The following CSGALNACT1 variants were observed in gnomAD, a reference collection of about 807,000 sequenced individuals.
The protein encoded by CSGALNACT1 is chondroitin sulfate N-acetylgalactosaminyltransferase 1.
Under a neutral mutation model 51.0 loss-of-function variants are expected in CSGALNACT1, and 52 were observed. The observed-to-expected ratio is 1.02, with a 90% CI of 0.82 to 1.29. CSGALNACT1 has a LOEUF of 1.29. Ranked by LOEUF, CSGALNACT1 falls within the 50% of genes most tolerant of loss-of-function variation. The pLI is 0.00. For synonymous variants in CSGALNACT1, 341 were observed against 254.4 expected (o/e 1.34, Z -3.24); for missense variants, 935 against 679.2 (o/e 1.38, Z -4.19).
At chr8:19,407,911 G>GCGCA (rs2054643128) in intron 9 of CSGALNACT1, among the ~76,000 whole-genome samples, 47 of 58,398 alleles carry the variant, frequency 8.0e-4, no homozygotes, top group East Asian at 1.6e-3. Flanking sequence ...TGAATTGTGT[G>GCGCA]TGTGTGTGTG....
chr8:19,617,409 A>G (rs1485763504), intron 1 of CSGALNACT1, among the ~76,000 whole-genome samples: 1 of 152,192 alleles, frequency 6.6e-6, no homozygotes, highest in Non-Finnish European at 1.5e-5. Context: ...ACCTAGTCTC[A>G]GGTATTCCTT....
intron 3 of CSGALNACT1, among the ~76,000 whole-genome samples, chr8:19,513,823 A>T (rs958665612): frequency 6.6e-6 from 1 of 152,170 alleles, no homozygotes; most frequent in African/African-American, 2.4e-5. Flanking sequence ...ACATCTAGAC[A>T]AAGAAAGGGT....
At chr8:19,508,667 A>G (rs2077833685) in intron 3 of CSGALNACT1, among the ~76,000 whole-genome samples, 1 of 152,212 alleles carries the variant, frequency 6.6e-6, no homozygotes, top group South Asian at 2.1e-4. Context: ...CCTACTTTAA[A>G]AAGATTGTCG....
intron 4 of CSGALNACT1, among the ~76,000 whole-genome samples, chr8:19,504,301 C>G (rs530103211): frequency 9.2e-5 from 14 of 152,288 alleles, no homozygotes; most frequent in East Asian, 7.7e-4. Flanking sequence ...TGGTCTCGAT[C>G]TCCCGACCTC....
At chr8:19,486,836 T>C (rs1162597316) in intron 4 of CSGALNACT1, among the ~76,000 whole-genome samples, 4 of 152,206 alleles carry the variant, frequency 2.6e-5, no homozygotes, top group African/African-American at 9.6e-5. Flanking sequence ...CCCTGCAACG[T>C]AGATTTTGTC....
At position 19,599,437 on chromosome 8, in the gene CSGALNACT1, G is replaced by C. The variant is rs181678515; in HGVS notation, c.-416+2334C>G. 5.7e-3 allele frequency among the ~76,000 whole-genome samples: 626 copies of C among 109,036 alleles called. 2 individuals carry two copies. Among genetic ancestry groups the C allele is most frequent in the Non-Finnish European group, 9.3e-3 (487 of 52,592 alleles). 71.5% of individuals were successfully genotyped at this position (109,036 alleles called of 152,430 possible). On this transcript the variant is annotated intron_variant, in intron 2 of 9. Coordinates refer to ENST00000454498, the Ensembl canonical transcript of CSGALNACT1. ...GAAAGGAAGGAAGGAAGGAAAGGAA[G>C]AAAGAAAAAGAAAAAGAAAAGAAAG...
chr8:19,576,709 G>C (rs2044306960), intron 3 of CSGALNACT1, among the ~76,000 whole-genome samples: 1 of 151,908 alleles, frequency 6.6e-6, no homozygotes, highest in Non-Finnish European at 1.5e-5. Flanking sequence ...GCTGTGATAT[G>C]ACAGCCTTTC....
chr8:19,630,037 G>T (rs2055001756), intron 1 of CSGALNACT1, among the ~76,000 whole-genome samples: 1 of 152,128 alleles, frequency 6.6e-6, no homozygotes. Context: ...GTAGCCCCAT[G>T]GATGCTATGG....
intron 1 of CSGALNACT1, chr8:19,688,743 C>T (rs55842263): frequency 0.13 from 20,326 of 152,196 alleles, 1,600 homozygotes; most frequent in East Asian, 0.35. Context: ...CTGAGAGCAT[C>T]GTCTACACCT....
chr8:19,505,941 C>A, exon 4 of CSGALNACT1: 2 of 1,347,170 alleles, frequency 1.5e-6, no homozygotes, highest in South Asian at 2.4e-5. Context: ...TTGGGGCCCC[C>A]GGAGCTGCTT....
chr8:19,471,588 C>T (rs958946008), intron 4 of CSGALNACT1, among the ~76,000 whole-genome samples: 3 of 152,058 alleles, frequency 2.0e-5, no homozygotes, highest in Non-Finnish European at 4.4e-5. Context: ...TTGCTGTGGA[C>T]CTGTAGGGGT....
At chr8:19,424,484 G>T (rs1264512429) in intron 6 of CSGALNACT1, among the ~76,000 whole-genome samples, 1 of 151,978 alleles carries the variant, frequency 6.6e-6, no homozygotes, top group Non-Finnish European at 1.5e-5. Context: ...AAAGAGGACT[G>T]AACTGGAAAA....
chr8:19,513,436 C>CTCTATATATATATA lies in CSGALNACT1; in HGVS notation c.-296-7307_-296-7306insTATATATATATAGA. Among the ~76,000 whole-genome samples the CTCTATATATATATA allele has an allele frequency of 5.6e-3, 455 of 81,844 alleles. 7 individuals are homozygous for CTCTATATATATATA. The highest frequency in any genetic ancestry group is 0.011 in the East Asian group (14 of 1,268). The allele number at this position is 81,844 out of a possible 152,430, so 53.7% of individuals were successfully genotyped here. ...TCTCACTCTCTCTCTCTCTCTCTCTCTATATATATATATATATATATATAT... is the reference window on the plus strand; with the variant it reads ...TCTCACTCTCTCTCTCTCTCTCTCTCTCTATATATATATATATATATATATATATATATATATAT... On this transcript the variant is annotated intron_variant, in intron 3 of 9. Coordinates refer to ENST00000454498, the Ensembl canonical transcript of CSGALNACT1.
chr8:19,405,425 T>C, exon 10 of CSGALNACT1: 1 of 475,576 alleles, frequency 2.1e-6, no homozygotes, highest in Non-Finnish European at 4.1e-6. Flanking sequence ...TGCTAATGAA[T>C]TTTTTACAAA....
At chr8:19,566,918 C>G (rs2042014543) in intron 3 of CSGALNACT1, among the ~76,000 whole-genome samples, 1 of 152,210 alleles carries the variant, frequency 6.6e-6, no homozygotes, top group South Asian at 2.1e-4. Context: ...GGGTGAGGCC[C>G]TTGCCATGAG....
chr8:19,757,211 C>CCCGGCT lies in CSGALNACT1; in HGVS notation c.-297+633_-297+638dup, dbSNP rs2065457038. 1 of 149,732 alleles carries CCCGGCT rather than the reference C, an allele frequency of 6.7e-6. No homozygotes were observed. Among genetic ancestry groups the CCCGGCT allele is most frequent in the African/African-American group, 2.4e-5 (1 of 41,220 alleles). The allele number at this position is 149,732 out of a possible 1,614,324, so 9.3% of individuals were successfully genotyped here. A position where few individuals can be genotyped will look rare whatever the true frequency, so the allele number is the denominator to read the frequency against. ...CCGAAGCGCCCTGCTAGCTGCCCGG[C>CCCGGCT]CCGGCTCCGGCCGCTGCCGCCGTCG... On this transcript the variant is annotated intron_variant, in intron 1 of 1. Coordinates refer to the CSGALNACT1 transcript ENST00000517494. The surrounding 1 kb of genome is among the most constrained non-coding windows in gnomAD (Gnocchi z 4.0).
At chr8:19,462,543 CT>C in intron 4 of CSGALNACT1, among the ~76,000 whole-genome samples, 1 of 152,160 alleles carries the variant, frequency 6.6e-6, no homozygotes. Context: ...AGAATGCCAG[CT>C]GCCTTGGAGG....
intron 3 of CSGALNACT1, among the ~76,000 whole-genome samples, chr8:19,589,779 G>A (rs2047408889): frequency 2.0e-5 from 3 of 152,172 alleles, no homozygotes. Context: ...TCCTGGTTTT[G>A]AGAAGATTTA....
At chr8:19,595,180 T>A (rs960676604) in intron 2 of CSGALNACT1, among the ~76,000 whole-genome samples, 1 of 152,226 alleles carries the variant, frequency 6.6e-6, no homozygotes, top group African/African-American at 2.4e-5. Context: ...TAACTATCAT[T>A]AATTTTGTTA....
Sources: allele counts gnomAD v4.1 joint callset (sites outside exome capture counted in the v4.1 genomes callset), GRCh38; gene constraint gnomAD v4.1.1; non-coding constraint Gnocchi (gnomAD v3.1); transcripts MANE v1.5; gene names NCBI Gene and HGNC (gene_info 2026-07-23, HGNC 2026-07-21).